The following SATB2 variants were observed in gnomAD, a reference collection of about 807,000 sequenced individuals.
SATB2 encodes DNA-binding protein SATB2.
A neutral mutation model predicts 73.4 loss-of-function variants in SATB2; 1 was observed. The observed-to-expected ratio is 0.01, with a 90% confidence interval of 0.00 to 0.06. SATB2 has a LOEUF of 0.06. SATB2 is among the 10% of genes least tolerant of loss of function. The pLI, the probability that SATB2 is intolerant of heterozygous loss-of-function variation, is 1.00. For synonymous variants in SATB2, 397 were observed against 367.0 expected (o/e 1.08, Z -0.93); for missense variants, 459 against 945.8 (o/e 0.49, Z 6.75).
chr2:199,378,934 T>C (rs941416023), intron 5 of SATB2, among the ~76,000 whole-genome samples: 3 of 152,266 alleles, frequency 2.0e-5, no homozygotes, highest in African/African-American at 4.8e-5. Flanking sequence ...TCTTACCCAA[T>C]AGCCTTCCTA....
rs934696044 is a variant in SATB2 at position 199,379,667 on chromosome 2, A to ATTTTC, written c.597+692_597+696dup. The stretch of plus-strand genomic sequence containing the variant: ...TAATGACTGTATATGTAAAACGTCT[A>ATTTTC]TTTTCTTTTCTTTTCTTTTTTTTTT... On this transcript the variant is annotated intron_variant, in intron 5 of 10. Transcript: ENST00000417098. 7.7e-4 allele frequency among the ~76,000 whole-genome samples: 101 copies of ATTTTC among 132,024 alleles called. 1 individual carries two copies. The highest frequency in any genetic ancestry group is 2.5e-3 in the East Asian group (11 of 4,362). 86.6% of individuals were successfully genotyped at this position (132,024 alleles called of 152,430 possible). A position where few individuals can be genotyped will look rare whatever the true frequency, so the allele number is the denominator to read the frequency against.
chr2:199,349,150 G>A lies in SATB2; in HGVS notation c.724C>T (p.Leu242Phe). ...TGGCCCAGAACACAATAGTCTGAAA[G>A]GTTTTCTCGTTCCACTCTTTCCACT... ...IKVERVEREN[L>F]SDYCVLGQRP... Residue 242 changes from leucine (L) to phenylalanine (F), a missense_variant, in exon 7 of 11, where the codon CTT becomes TTT. By Grantham distance (22) the Leu-to-Phe change is conservative (BLOSUM62 0). Around this residue, in one of 13 missense-constraint regions of SATB2, gnomAD observed 77 missense variants for 90.4 expected, o/e 0.85. Transcript: ENST00000417098. The A allele has an allele frequency of 6.2e-7, 1 of 1,613,344 alleles. No individual in the cohort carries two copies.
chr2:199,456,214 T>G, intron 1 of SATB2, 118 bp from the exon 2 acceptor site: 1 of 698,196 alleles, frequency 1.4e-6, no homozygotes, highest in Non-Finnish European at 2.4e-6. Context: ...ACAAACTTCC[T>G]CCCACGCTGC....
chr2:199,325,774 C>T (rs926636785), intron 8 of SATB2, among the ~76,000 whole-genome samples: 2 of 152,130 alleles, frequency 1.3e-5, no homozygotes, highest in East Asian at 3.9e-4. Context: ...TCAGTTCCCT[C>T]ATCTGTAAAA....
At chr2:199,305,492 CTTAAAAG>C (rs1439786241) in intron 10 of SATB2, among the ~76,000 whole-genome samples, 1 of 152,076 alleles carries the variant, frequency 6.6e-6, no homozygotes, top group Non-Finnish European at 1.5e-5. Flanking sequence ...TACCCCTGAA[CTTAAAAG>C]TTAAAAAACA....
intron 10 of SATB2, among the ~76,000 whole-genome samples, chr2:199,280,476 G>C (rs1692453718): frequency 6.6e-6 from 1 of 152,176 alleles, no homozygotes; most frequent in Admixed American, 6.5e-5. Flanking sequence ...GAGCCGGGCG[G>C]AACAGAGCCA....
chr2:199,421,560 C>T lies in SATB2; in HGVS notation c.346+11778G>A, dbSNP rs560589965. Among the ~76,000 whole-genome samples the T allele has an allele frequency of 9.0e-4, 137 of 152,266 alleles. 1 individual carries two copies. The highest frequency in any genetic ancestry group is 1.4e-3 in the Non-Finnish European group (98 of 68,008). On this transcript the variant is annotated intron_variant, in intron 3 of 10. Transcript: ENST00000417098. Reference sequence around the variant, plus strand: ...ACAAACTGTCATCAGTTGTTAATTCCTGGGCAAAGAAACATCTTAACACAG... The same window carrying T: ...ACAAACTGTCATCAGTTGTTAATTCTTGGGCAAAGAAACATCTTAACACAG...
intron 6 of SATB2, among the ~76,000 whole-genome samples, chr2:199,359,613 C>A (rs1406008062): frequency 6.6e-6 from 1 of 152,058 alleles, no homozygotes; most frequent in East Asian, 1.9e-4. Flanking sequence ...ATCTATATTA[C>A]ATTCAATTAT....
chr2:199,327,586 G>C (rs1243186923), intron 8 of SATB2, among the ~76,000 whole-genome samples: 1 of 152,144 alleles, frequency 6.6e-6, no homozygotes, highest in East Asian at 1.9e-4. Flanking sequence ...GGAAATAGGG[G>C]ATAGGCCAGA....
intron 5 of SATB2, among the ~76,000 whole-genome samples, chr2:199,377,913 G>T (rs1273042136): frequency 6.6e-6 from 1 of 152,140 alleles, no homozygotes; most frequent in African/African-American, 2.4e-5. Context: ...AGACAACTAC[G>T]TGAGCAAACC....
intron 3 of SATB2, chr2:199,396,777 G>C (rs1422398760): frequency 6.6e-6 from 1 of 152,052 alleles, no homozygotes; most frequent in Non-Finnish European, 1.5e-5. Flanking sequence ...CACTAATCAG[G>C]CCCAACGGAA....
chr2:199,461,353 G>A (rs767192581), upstream of SATB2, among the ~76,000 whole-genome samples: 1 of 152,128 alleles, frequency 6.6e-6, no homozygotes, highest in Non-Finnish European at 1.5e-5. Flanking sequence ...TATTTTAATA[G>A]TTTTACCTTT....
intron 2 of SATB2, among the ~76,000 whole-genome samples, chr2:199,454,797 G>T (rs1692225931): frequency 6.6e-6 from 1 of 152,178 alleles, no homozygotes; most frequent in Non-Finnish European, 1.5e-5. Context: ...ATTTTTAGAT[G>T]TAAGTAACTA....
At chr2:199,311,217 C>G (rs1687585139) in intron 9 of SATB2, among the ~76,000 whole-genome samples, 1 of 152,096 alleles carries the variant, frequency 6.6e-6, no homozygotes, top group East Asian at 1.9e-4. Flanking sequence ...TCCTCAAATC[C>G]CTGATGGAGC....
rs1321600518 is a variant in SATB2 at position 199,272,848 on chromosome 2, C to T, written c.1741-176G>A. ...TTCTGGACATTTAGTATCTCACCTA[C>T]AAAACAGGAGGTTCATAACAGTAGT... On this transcript the variant is annotated intron_variant, in intron 10 of 10. Transcript: ENST00000417098. This position sits in a 1 kb window ranked among gnomAD's most constrained non-coding sequence, Gnocchi z 6.7. Among the ~76,000 whole-genome samples, 1 of 152,100 alleles carries T rather than the reference C, an allele frequency of 6.6e-6. No individual in the cohort carries two copies. The highest frequency in any genetic ancestry group is 2.4e-5 in the African/African-American group (1 of 41,428).
At chr2:199,468,970 G>C (rs1374966344), upstream of SATB2, 1 of 152,328 alleles carries the variant, frequency 6.6e-6, no homozygotes, top group African/African-American at 2.4e-5. Context: ...GGGACCGTGC[G>C]GGACAGGGCC....
At chr2:199,406,599 A>T (rs1012367765) in intron 3 of SATB2, among the ~76,000 whole-genome samples, 3 of 152,190 alleles carry the variant, frequency 2.0e-5, no homozygotes, top group Admixed American at 2.0e-4. Flanking sequence ...AATATAATAA[A>T]TACATTTATG....
In SATB2 at chr2:199,381,777, A is replaced by G. The variant is rs771527508; in HGVS notation, c.390T>C (p.Tyr130=). The change falls in exon 4 of 11, where the codon TAT becomes TAC. Residue 130 remains tyrosine, a synonymous_variant. Transcript: ENST00000417098. ...LGRWNPLPLS[Y]VTDAPDATVA... ...CTGTCGCGTCGGGTGCATCTGTCAC[A>G]TAACTGAGGGGGAGAGGGTTCCACC... The G allele has an allele frequency of 3.7e-6, 6 of 1,614,028 alleles. No individual in the cohort carries two copies. The East Asian group carries it at 8.9e-5, about 24-fold the overall frequency.
At chr2:199,386,644 T>C (rs1574574554) in intron 3 of SATB2, among the ~76,000 whole-genome samples, 1 of 150,512 alleles carries the variant, frequency 6.6e-6, no homozygotes, top group Non-Finnish European at 1.5e-5. Flanking sequence ...ATTTGAAAAA[T>C]GAGAAAAACT....
Sources: gnomAD v4.1 joint callset for allele counts (sites outside exome capture counted in the v4.1 genomes callset) on GRCh38, gnomAD v4.1.1 for gene constraint, gnomAD v4.1.1 regional missense constraint, Gnocchi (gnomAD v3.1) non-coding constraint, MANE v1.5 for transcripts, NCBI Gene and HGNC (gene_info 2026-07-23, HGNC 2026-07-21) for gene names.